Variants in GLOD4 observed in about 807,000 individuals in gnomAD.
GLOD4 encodes glyoxalase domain-containing protein 4.
Under a neutral mutation model 39.1 loss-of-function variants are expected in GLOD4, and 44 were observed. The ratio of observed to expected loss-of-function variants is 1.13; its 90% CI spans 0.88 to 1.45. GLOD4 has a LOEUF of 1.45. Ranked by LOEUF, GLOD4 falls within the 40% of genes most tolerant of loss-of-function variation. GLOD4 has a pLI of 0.00. For missense variants in GLOD4, 405 were observed against 366.4 expected (o/e 1.11, Z -0.86); for synonymous variants, 145 against 135.0 (o/e 1.07, Z -0.52).
chr17:784,581 A>G (rs187369829), upstream of GLOD4, among the ~76,000 whole-genome samples: 57 of 152,248 alleles, frequency 3.7e-4, no homozygotes, highest in Middle Eastern at 0.01. Context: ...GTGTGCTTAC[A>G]GTGGCCAACC....
intron 4 of GLOD4, among the ~76,000 whole-genome samples, chr17:772,812 G>A (rs1009975334): frequency 2.0e-5 from 3 of 152,050 alleles, no homozygotes; most frequent in Non-Finnish European, 2.9e-5. Context: ...TGGCTAACAC[G>A]GTGAAACCCC....
chr17:778,499 C>A, intron 2 of GLOD4, 196 bp downstream of exon 2: 1 of 600,596 alleles, frequency 1.7e-6, no homozygotes. Flanking sequence ...TTACTGCCTT[C>A]TTAATTAATT....
intron 8 of GLOD4, among the ~76,000 whole-genome samples, chr17:766,868 C>T (rs1906663788): frequency 1.3e-5 from 2 of 152,212 alleles, no homozygotes; most frequent in Admixed American, 6.5e-5. Flanking sequence ...CATTGCACTC[C>T]ACCCTGGGCG....
chr17:764,993 C>A (rs530623574), intron 8 of GLOD4: 1 of 150,378 alleles, frequency 6.6e-6, no homozygotes, highest in Non-Finnish European at 1.5e-5. Flanking sequence ...GGTGACAGAG[C>A]GAGACTCCGT....
intron 2 of GLOD4, 188 bp from the exon 3 acceptor site, chr17:777,176 C>A: frequency 1.7e-6 from 1 of 596,570 alleles, no homozygotes; most frequent in Non-Finnish European, 3.0e-6. Flanking sequence ...ACTACAAGCT[C>A]CAAAGACTAT....
intron 1 of GLOD4, chr17:780,741 C>CA (rs71371577): frequency 0.31 from 18,684 of 59,428 alleles, 2,838 homozygotes; most frequent in East Asian, 0.51. Flanking sequence ...GACTCCACCT[C>CA]AAAAAAAAAA....
At chr17:764,432 G>A (rs997277583) in intron 8 of GLOD4, 4 of 152,222 alleles carry the variant, frequency 2.6e-5, no homozygotes, top group Non-Finnish European at 4.4e-5. Context: ...ACAAACGATG[G>A]TCCGATCACT....
chr17:763,215 G>T (rs2144274862), intron 8 of GLOD4, among the ~76,000 whole-genome samples: 1 of 145,848 alleles, frequency 6.9e-6, no homozygotes, highest in South Asian at 2.2e-4. Flanking sequence ...GAATGTATAT[G>T]AAGCACTTAA....
chr17:770,516 G>C lies in GLOD4; in HGVS notation c.544-9C>G, dbSNP rs947438639. The C allele has an allele frequency of 7.3e-7, 1 of 1,377,140 alleles. No homozygotes were observed. Among genetic ancestry groups the C allele is most frequent in the Non-Finnish European group, 1.0e-6 (1 of 963,530 alleles). 85.3% of individuals were successfully genotyped at this position (1,377,140 alleles called of 1,614,324 possible). A position where few individuals can be genotyped will look rare whatever the true frequency, so the allele number is the denominator to read the frequency against. ...TGTAGCTCCAGCTTACACTGAAATA[G>C]GAAAGGGGGTTATTTTTTGGAACAG... is the stretch of plus-strand genomic sequence containing the variant. On this transcript the variant is annotated splice_polypyrimidine_tract_variant and intron_variant, in intron 5 of 8. Transcript: ENST00000301329.
intron 3 of GLOD4, among the ~76,000 whole-genome samples, 160 bp downstream of exon 3, chr17:776,708 G>A (rs1013909074): frequency 2.6e-5 from 4 of 152,092 alleles, no homozygotes; most frequent in South Asian, 2.1e-4. Context: ...TGCCTGGAAC[G>A]CGCATCCCCC....
chr17:770,400 C>T (rs564071203), intron 6 of GLOD4, 21 bp downstream of exon 6: 14 of 1,267,290 alleles, frequency 1.1e-5, no homozygotes, highest in South Asian at 7.1e-5. Context: ...AAAGCTCAAA[C>T]GATCTGGTAT....
At chr17:774,834 T>C (rs901031044) in intron 4 of GLOD4, among the ~76,000 whole-genome samples, 3 of 152,122 alleles carry the variant, frequency 2.0e-5, no homozygotes, top group African/African-American at 7.2e-5. Context: ...TTTGGGAGGC[T>C]GAGGCAGGCG....
At chr17:785,445 C>T (rs1196554886), upstream of GLOD4, among the ~76,000 whole-genome samples, 1 of 152,030 alleles carries the variant, frequency 6.6e-6, no homozygotes, top group Non-Finnish European at 1.5e-5. Context: ...ATGTAGAGAT[C>T]ATTAAATAAG....
chr17:782,332 A>G (rs1284603593), upstream of GLOD4: 1 of 1,611,986 alleles, frequency 6.2e-7, no homozygotes, highest in Non-Finnish European at 8.5e-7. Flanking sequence ...TGACGTCACT[A>G]GCCGCCGACG....
chr17:782,681 C>G (rs776218722), upstream of GLOD4: 1 of 1,602,546 alleles, frequency 6.2e-7, no homozygotes, highest in South Asian at 1.1e-5. Flanking sequence ...ATCCCGGGGA[C>G]AGGAGGCTGA....
chr17:785,874 T>C (rs1191924797), upstream of GLOD4, among the ~76,000 whole-genome samples: 3 of 152,228 alleles, frequency 2.0e-5, no homozygotes, highest in Admixed American at 1.3e-4. Flanking sequence ...TTTAAAAGCC[T>C]ACCTGGTAGG....
At chr17:766,520 C>T (rs143966004) in intron 8 of GLOD4, among the ~76,000 whole-genome samples, 1,987 of 149,052 alleles carry the variant, frequency 0.013, 28 homozygotes, top group Non-Finnish European at 0.021. Context: ...CGCTTGATCC[C>T]GGGAGGTGGA....
chr17:770,696 T>G (rs992077487), intron 5 of GLOD4, 189 bp from the exon 6 acceptor site: 10 of 220,536 alleles, frequency 4.5e-5, no homozygotes, highest in Non-Finnish European at 7.0e-5. Context: ...CGCATCTATG[T>G]TTTTTTTTTT....
At chr17:764,412 C>A (rs1391808252) in intron 8 of GLOD4, 1 of 152,204 alleles carries the variant, frequency 6.6e-6, no homozygotes, top group Non-Finnish European at 1.5e-5. Context: ...ACCTACTGGA[C>A]CTCTCGTGGA....
Sources: gnomAD v4.1 joint callset for allele counts (sites outside exome capture counted in the v4.1 genomes callset) on GRCh38, gnomAD v4.1.1 for gene constraint, MANE v1.5 for transcripts, NCBI Gene and HGNC (gene_info 2026-07-23, HGNC 2026-07-21) for gene names.